AK7: variants seen among roughly 807,000 people sequenced by gnomAD.
AK7 encodes ATP-AMP transphosphorylase 7.
Under a neutral mutation model 96.6 loss-of-function variants are expected in AK7, and 78 were observed. That is an observed-to-expected ratio of 0.81 (90% CI 0.67 to 0.97). AK7 has a LOEUF of 0.97. AK7 is among the 50% of genes least tolerant of loss of function. The pLI is 0.00. For synonymous variants in AK7, 302 were observed against 317.2 expected, an observed-to-expected ratio of 0.95 and a Z score of 0.51; for missense variants, 855 against 887.9, an observed-to-expected ratio of 0.96 and a Z score of 0.47.
intron 8 of AK7, 41 bp downstream of exon 8, chr14:96,446,648 A>G: frequency 6.3e-7 from 1 of 1,592,522 alleles, no homozygotes; most frequent in Non-Finnish European, 8.6e-7. Flanking sequence ...CATATCGTAA[A>G]TAGTTTTGCT....
At chr14:96,446,991 C>A (rs987365441) in intron 8 of AK7, among the ~76,000 whole-genome samples, 1 of 151,972 alleles carries the variant, frequency 6.6e-6, no homozygotes, top group Non-Finnish European at 1.5e-5. Flanking sequence ...AAAGTTTTGC[C>A]CCCAATCAGT....
chr14:96,423,009 T>C (rs148247433), intron 5 of AK7, among the ~76,000 whole-genome samples: 73 of 152,322 alleles, frequency 4.8e-4, no homozygotes, highest in South Asian at 1.2e-3. Context: ...GACCAGCTTT[T>C]CTTACCCCCA....
rs189496775 is a variant in AK7 at position 96,463,459 on chromosome 14, C to A, written c.1357+5247C>A. ...GAGGAGCCGGGCGCGGTGGCTCACT[C>A]CTGTAATCCCAGCACTTTGGGAGGC... On this transcript the variant is annotated intron_variant, in intron 12 of 17. Coordinates refer to ENST00000267584, the MANE Select transcript of AK7 (RefSeq NM_152327.5). Among the ~76,000 whole-genome samples, 216 of 152,036 alleles carry A rather than the reference C, an allele frequency of 1.4e-3. 1 individual carries two copies. The highest frequency in any genetic ancestry group is 4.8e-3 in the African/African-American group (199 of 41,474).
intron 9 of AK7, among the ~76,000 whole-genome samples, chr14:96,450,587 G>T (rs1318855426): frequency 6.6e-6 from 1 of 150,798 alleles, no homozygotes; most frequent in African/African-American, 2.4e-5. Context: ...AAAAAATAGG[G>T]TTTTTTGCAG....
At position 96,432,713 on chromosome 14, in the gene AK7, G is replaced by A. The variant is rs1156520130; in HGVS notation, c.610-5122G>A. Among the ~76,000 whole-genome samples the A allele has an allele frequency of 3.3e-5, 5 of 151,980 alleles. No individual in the cohort carries two copies. The South Asian group carries it at 6.2e-4, about 19-fold the overall frequency. ...CTTTAAGAATGTTGAGGCCAGGCGC[G>A]GTGGCTCATGCCTGTAATCCCAGCA... On this transcript the variant is annotated intron_variant, in intron 5 of 17. Coordinates refer to ENST00000267584, the MANE Select transcript of AK7 (RefSeq NM_152327.5).
At chr14:96,470,401 T>C (rs1894819340) in intron 12 of AK7, among the ~76,000 whole-genome samples, 1 of 152,172 alleles carries the variant, frequency 6.6e-6, no homozygotes. Context: ...ATTACTATAA[T>C]GTACACATTA....
chr14:96,409,322 G>A (rs1890903579), intron 4 of AK7, among the ~76,000 whole-genome samples: 2 of 152,152 alleles, frequency 1.3e-5, no homozygotes, highest in South Asian at 4.1e-4. Flanking sequence ...CCTGTAACCC[G>A]GCACTTTGGG....
chr14:96,446,493 A>T (rs755350082), intron 7 of AK7, 24 bp from the exon 8 acceptor site: 3 of 1,605,522 alleles, frequency 1.9e-6, no homozygotes, highest in Middle Eastern at 1.7e-4. Context: ...CCCTTTGATG[A>T]TTATTTTACC....
At chr14:96,441,092 G>A (rs1215339962) in intron 6 of AK7, among the ~76,000 whole-genome samples, 1 of 151,742 alleles carries the variant, frequency 6.6e-6, no homozygotes, top group Non-Finnish European at 1.5e-5. Context: ...GAAGGGTAGA[G>A]GAATAGTCAC....
intron 5 of AK7, among the ~76,000 whole-genome samples, chr14:96,435,429 C>T (rs1892582637): frequency 6.6e-6 from 1 of 152,088 alleles, no homozygotes; most frequent in Non-Finnish European, 1.5e-5. Flanking sequence ...GTCCCCCCTA[C>T]TCTTCCCTCT....
chr14:96,448,013 C>T (rs1893343640), intron 8 of AK7, among the ~76,000 whole-genome samples: 1 of 151,166 alleles, frequency 6.6e-6, no homozygotes. Flanking sequence ...CCTGTAGTCC[C>T]AGATACTCAG....
At position 96,420,884 on chromosome 14, in the gene AK7, T is replaced by C; in HGVS notation, c.561T>C (p.Phe187=). 2 of 1,613,736 alleles carry C rather than the reference T, an allele frequency of 1.2e-6. No homozygotes were observed. The highest frequency in any genetic ancestry group is 1.7e-6 in the Non-Finnish European group (2 of 1,179,722). ...GAAGAAGAAAGTCTCATCCTAATTT[T>C]CTGGACCACATAAATGCTGAAAAAA... ...DYRRRKSHPN[F]LDHINAEKMV... Residue 187 remains phenylalanine (F), a synonymous_variant, in exon 5 of 18, where the codon TTT becomes TTC. Transcript: ENST00000267584.
Position 96,392,145 on chromosome 14 carries a change from G to A in AK7, c.-10G>A, listed in dbSNP as rs544887722. 3 of 1,607,338 alleles carry A rather than the reference G, an allele frequency of 1.9e-6. No individual in the cohort carries two copies. Among genetic ancestry groups the A allele is most frequent in the Non-Finnish European group, 2.6e-6 (3 of 1,174,268 alleles). The stretch of plus-strand genomic sequence containing the variant: ...GCGCTTTCACCTTAGCAACCAGCGC[G>A]GCTCCCACCATGGCTGAAGAAGAGG... On this transcript the variant is annotated 5_prime_UTR_variant, in exon 1 of 18. Coordinates refer to ENST00000267584, the MANE Select transcript of AK7 (RefSeq NM_152327.5).
intron 5 of AK7, among the ~76,000 whole-genome samples, chr14:96,431,971 T>C (rs1892377189): frequency 6.6e-6 from 1 of 152,242 alleles, no homozygotes; most frequent in Non-Finnish European, 1.5e-5. Context: ...TTTAGGATAG[T>C]TAGCTCTTCT....
Position 96,399,143 on chromosome 14 carries a change from CCTGT to C in AK7, c.294+883_294+886del, listed in dbSNP as rs1466191478. On this transcript the variant is annotated intron_variant, in intron 2 of 17. Transcript: ENST00000267584. This position sits in a 1 kb window ranked among gnomAD's most constrained non-coding sequence, Gnocchi z 4.1. ...GTGCTTTTCACACTCGTTGTTATCA[CCTGT>C]CTATCGTGGGGGTCCATGGACACTG... 2.6e-5 allele frequency: 4 copies of C among 152,202 alleles called. No homozygotes were observed. Among genetic ancestry groups the C allele is most frequent in the African/African-American group, 9.7e-5 (4 of 41,414 alleles). 9.4% of individuals were successfully genotyped at this position (152,202 alleles called of 1,614,324 possible). A position where few individuals can be genotyped will look rare whatever the true frequency, so the allele number is the denominator to read the frequency against.
chr14:96,462,561 T>G (rs1340455677), intron 12 of AK7, among the ~76,000 whole-genome samples: 1 of 152,208 alleles, frequency 6.6e-6, no homozygotes, highest in Non-Finnish European at 1.5e-5. Flanking sequence ...ATAAGGGCTT[T>G]GTTACACCAT....
chr14:96,401,160 C>T (rs746653814), intron 2 of AK7, among the ~76,000 whole-genome samples: 1 of 152,260 alleles, frequency 6.6e-6, no homozygotes, highest in Admixed American at 6.5e-5. Context: ...TCCTGTGCAC[C>T]CTAATGATCC....
intron 12 of AK7, among the ~76,000 whole-genome samples, chr14:96,461,145 G>A (rs1241050352): frequency 6.6e-6 from 1 of 152,200 alleles, no homozygotes; most frequent in Non-Finnish European, 1.5e-5. Context: ...GACATTTGGG[G>A]AGCACTATGT....
intron 1 of AK7, among the ~76,000 whole-genome samples, chr14:96,397,457 C>T (rs982193746): frequency 2.0e-5 from 3 of 152,156 alleles, no homozygotes; most frequent in Non-Finnish European, 2.9e-5. Context: ...CCATGTTGGC[C>T]AGGCTGGTGT....
Sources: gnomAD v4.1 joint callset for allele counts (sites outside exome capture counted in the v4.1 genomes callset) on GRCh38, gnomAD v4.1.1 for gene constraint, Gnocchi (gnomAD v3.1) non-coding constraint, MANE v1.5 for transcripts, NCBI Gene and HGNC (gene_info 2026-07-23, HGNC 2026-07-21) for gene names.